Variants in PRRC2B observed in about 807,000 individuals in gnomAD.
PRRC2B encodes protein PRRC2B.
Under a neutral mutation model 242.3 loss-of-function variants are expected in PRRC2B, and 68 were observed. That is an observed-to-expected ratio of 0.28 (90% confidence interval 0.23 to 0.34). PRRC2B has a LOEUF of 0.34. Ranked by LOEUF, PRRC2B falls within the 10% of genes least tolerant of loss-of-function variation. The probability of loss-of-function intolerance (pLI) is 1.00; values close to 1 mark genes in which losing one functional copy is unlikely to be tolerated. For synonymous variants in PRRC2B, 1,228 were observed against 1,173.6 expected, an observed-to-expected ratio of 1.05 and a Z score of -0.95; for missense variants, 2,835 against 2,954.8, an observed-to-expected ratio of 0.96 and a Z score of 0.94.
chr9:131,430,475 C>G (rs1173394914), intron 2 of PRRC2B, among the ~76,000 whole-genome samples: 2 of 144,150 alleles, frequency 1.4e-5, no homozygotes, highest in African/African-American at 5.6e-5. Context: ...CATCTATTAC[C>G]TTATTGAAGC....
At position 131,475,887 on chromosome 9, in the gene PRRC2B, G is replaced by C. The variant is rs762497048; in HGVS notation, c.3758G>C (p.Arg1253Thr). Residue 1253 changes from arginine to threonine, a missense_variant, in exon 16 of 32, where the codon AGA becomes ACA. Arg to Thr is a moderately conservative substitution (Grantham distance 71). Coordinates refer to ENST00000683519, the MANE Select transcript of PRRC2B (RefSeq NM_013318.4). ...DTCGSRRPTD[R>T]DYVPDSYRHP... is the part of the protein sequence containing the mutation. ...TGCGGATCCCGGCGACCTACAGACA[G>C]AGACTATGTCCCAGATTCCTACAGA... The C allele has an allele frequency of 6.2e-7, 1 of 1,613,926 alleles. No individual in the cohort carries two copies. The highest frequency in any genetic ancestry group is 1.1e-5 in the South Asian group (1 of 91,082).
chr9:131,447,074 T>C lies in PRRC2B; in HGVS notation c.856-11T>C, dbSNP rs374201616. 1.9e-6 allele frequency: 3 copies of C among 1,613,900 alleles called. No homozygotes were observed. In the African/African-American group the frequency reaches 4.0e-5, roughly 22 times the overall value. On this transcript the variant is annotated splice_polypyrimidine_tract_variant and intron_variant, in intron 7 of 31. Coordinates refer to ENST00000683519, the MANE Select transcript of PRRC2B (RefSeq NM_013318.4). ...TACCAGCAAATCCTGTTCATTGATG[T>C]TATGTTTCAGATGTGTTCGCCGAAG...
At chr9:131,445,607 A>G (rs551035323) in intron 6 of PRRC2B, among the ~76,000 whole-genome samples, 14 of 152,214 alleles carry the variant, frequency 9.2e-5, no homozygotes, top group Non-Finnish European at 2.1e-4. Context: ...AAACATGGAC[A>G]GAGGGGTGAC....
chr9:131,381,254 G>A (rs538176170), intron 1 of PRRC2B, among the ~76,000 whole-genome samples: 125 of 152,288 alleles, frequency 8.2e-4, no homozygotes, highest in Admixed American at 9.2e-4. Flanking sequence ...GGCACAGAAA[G>A]GGAGCAGGTG....
At chr9:131,407,013 T>C (rs1166801089) in intron 1 of PRRC2B, among the ~76,000 whole-genome samples, 1 of 152,256 alleles carries the variant, frequency 6.6e-6, no homozygotes, top group Non-Finnish European at 1.5e-5. Context: ...TGACTGTTTA[T>C]AGGTAGACCT....
intron 3 of PRRC2B, among the ~76,000 whole-genome samples, chr9:131,434,878 G>A (rs1198283413): frequency 1.3e-5 from 2 of 152,150 alleles, no homozygotes; most frequent in African/African-American, 2.4e-5. Context: ...CACTGACACA[G>A]CCTTTTTTTG....
rs1308557303 is a variant in PRRC2B, at chr9:131,486,164, G to C, written c.5838G>C (p.Gln1946His). The change falls in exon 26 of 32, where the codon CAG (glutamine) becomes CAC (histidine). Residue 1946 changes from glutamine (Q) to histidine (H), a missense_variant. Gln to His is a conservative substitution (Grantham distance 24). Coordinates refer to ENST00000683519, the MANE Select transcript of PRRC2B (RefSeq NM_013318.4). ...QPRLVPQTIP[Q>H]QQSYQQAAAA... is the part of the protein sequence containing the mutation. ...GGCTGGTTCCTCAAACGATACCTCA[G>C]CAGCAGAGTTACCAACAGGTGACAG... 3 of 1,611,070 alleles carry C rather than the reference G, an allele frequency of 1.9e-6. No homozygotes were observed. In the East Asian group the frequency reaches 6.7e-5, roughly 36 times the overall value.
chr9:131,435,843 A>G (rs1360569595), intron 3 of PRRC2B, among the ~76,000 whole-genome samples: 1 of 152,242 alleles, frequency 6.6e-6, no homozygotes, highest in African/African-American at 2.4e-5. Flanking sequence ...CACTTCTGTT[A>G]GAAAAATACT....
intron 1 of PRRC2B, among the ~76,000 whole-genome samples, chr9:131,381,596 T>C (rs1412331473): frequency 6.6e-6 from 1 of 151,964 alleles, no homozygotes; most frequent in East Asian, 1.9e-4. Flanking sequence ...TTGTTTTGTA[T>C]TTTTAATAGA....
At chr9:131,470,755 A>C in intron 13 of PRRC2B, 33 bp from the exon 14 acceptor site, 1 of 1,593,358 alleles carries the variant, frequency 6.3e-7, no homozygotes, top group Middle Eastern at 2.0e-4. Context: ...TGGCCGCACC[A>C]GCCTGACCAA....
chr9:131,459,448 C>T (rs1328208168), intron 11 of PRRC2B, 92 bp downstream of exon 11: 1 of 1,033,268 alleles, frequency 9.7e-7, no homozygotes, highest in Non-Finnish European at 1.4e-6. Flanking sequence ...ATTTCTTTTT[C>T]ATTTTTATAT....
At chr9:131,464,632 T>G (rs1564292131) in intron 11 of PRRC2B, 131 bp from the exon 12 acceptor site, 5 of 806,600 alleles carry the variant, frequency 6.2e-6, no homozygotes, top group East Asian at 5.4e-5. Flanking sequence ...CAGCTCTGTC[T>G]GCCACACGCC....
intron 5 of PRRC2B, 151 bp from the exon 6 acceptor site, chr9:131,444,034 C>T (rs552404743): frequency 8.8e-6 from 7 of 794,948 alleles, no homozygotes; most frequent in East Asian, 5.4e-5. Context: ...TCAGCACCCT[C>T]GTGGCATCTG....
rs760989413 is a variant in PRRC2B at position 131,479,374 on chromosome 9, C to T, written c.4881C>T (p.Ile1627=). ...CTGGCAGCAGCCTGGGCACTGAGAT[C>T]TGGGAGAGCAGCAGCCAGGGTGAGA... The part of the protein sequence containing the change: ...TVPGSSLGTE[I]WESSSQALPV... Residue 1627 remains isoleucine (I), a synonymous_variant, in exon 19 of 32, where the codon ATC becomes ATT. Coordinates refer to ENST00000683519, the MANE Select transcript of PRRC2B (RefSeq NM_013318.4). 8 of 1,613,712 alleles carry T rather than the reference C, an allele frequency of 5.0e-6. No homozygotes were observed. The highest frequency in any genetic ancestry group is 6.8e-6 in the Non-Finnish European group (8 of 1,179,788).
Position 131,485,064 on chromosome 9 carries a change from C to T in PRRC2B, c.5682C>T (p.Val1894=). Residue 1894 remains valine, a synonymous_variant, in exon 25 of 32, where the codon GTC becomes GTT. Transcript: ENST00000683519. ...CCTCTGTGGGTGCCTCCAGCGGGGT[C>T]AACTACAGCTCCTTCGGTGGAGTGT... ...PPSSVGASSG[V]NYSSFGGVSM... 2 of 1,609,024 alleles carry T rather than the reference C, an allele frequency of 1.2e-6. No homozygotes were observed. Among genetic ancestry groups the T allele is most frequent in the Non-Finnish European group, 1.7e-6 (2 of 1,177,644 alleles).
chr9:131,412,572 GCT>G (rs1458583107), intron 1 of PRRC2B, among the ~76,000 whole-genome samples: 1 of 152,230 alleles, frequency 6.6e-6, no homozygotes, highest in Admixed American at 6.5e-5. Flanking sequence ...GCAGCTGCCA[GCT>G]CTCAGTGATG....
rs762441473 is a variant in PRRC2B, at chr9:131,476,341, C to G, written c.4212C>G (p.Gly1404=). The G allele has an allele frequency of 2.5e-5, 40 of 1,586,210 alleles. No homozygotes were observed. The highest frequency in any genetic ancestry group is 1.7e-4 in the Middle Eastern group (1 of 5,872). Residue 1404 remains glycine, a synonymous_variant, in exon 16 of 32, where the codon GGC becomes GGG. Transcript: ENST00000683519. The part of the protein sequence containing the change: ...GSEPDSQVDG[G]LSGASLGEKK... ...AGCCCGACTCCCAGGTGGATGGTGG[C>G]CTGTCGGGGGCTAGTTTGGGTGAGA...
chr9:131,469,463 C>T (rs574138216), intron 13 of PRRC2B, among the ~76,000 whole-genome samples: 1 of 152,328 alleles, frequency 6.6e-6, no homozygotes, highest in African/African-American at 2.4e-5. Context: ...GGCCCACAGC[C>T]TTCTCTGTGG....
intron 1 of PRRC2B, among the ~76,000 whole-genome samples, chr9:131,405,783 C>A (rs529156905): frequency 3.3e-5 from 5 of 152,260 alleles, no homozygotes; most frequent in Non-Finnish European, 4.4e-5. Flanking sequence ...ATGCCATGCC[C>A]CCTCTTCCTG....
Sources: gnomAD v4.1 joint callset for allele counts (sites outside exome capture counted in the v4.1 genomes callset) on GRCh38, gnomAD v4.1.1 for gene constraint, MANE v1.5 for transcripts, NCBI Gene and HGNC (gene_info 2026-07-23, HGNC 2026-07-21) for gene names.